RGMB: variants seen among roughly 807,000 people sequenced by gnomAD.
The protein encoded by RGMB is repulsive guidance molecule B.
A neutral mutation model predicts 26.9 loss-of-function variants in RGMB; 16 were observed. That is an observed-to-expected ratio of 0.60 (90% CI 0.40 to 0.90). The LOEUF is 0.90. Ranked by LOEUF, RGMB falls within the 40% of genes least tolerant of loss-of-function variation. RGMB has a pLI of 0.00. For missense variants in RGMB, 512 were observed against 573.3 expected (o/e 0.89, Z 1.09); for synonymous variants, 225 against 229.3 (o/e 0.98, Z 0.17).
At chr5:98,788,186 G>A (rs1252709345) in intron 2 of RGMB, among the ~76,000 whole-genome samples, 1 of 152,172 alleles carries the variant, frequency 6.6e-6, no homozygotes, top group South Asian at 2.1e-4. Flanking sequence ...CCTAAAAGGA[G>A]TCCACAGTAT....
intron 2 of RGMB, among the ~76,000 whole-genome samples, chr5:98,785,036 G>A (rs1212887706): frequency 1.3e-5 from 2 of 152,106 alleles, no homozygotes; most frequent in Non-Finnish European, 2.9e-5. Context: ...GCATCTCTTT[G>A]AGATTTGCTC....
chr5:98,774,243 G>C, intron 1 of RGMB, 37 bp downstream of exon 1: 3 of 1,364,072 alleles, frequency 2.2e-6, no homozygotes, highest in Non-Finnish European at 2.8e-6. Flanking sequence ...CAGCCCCGGG[G>C]CCTAGGGCTT....
chr5:98,780,556 T>C (rs904980469), intron 2 of RGMB: 3 of 154,752 alleles, frequency 1.9e-5, no homozygotes, highest in African/African-American at 7.2e-5. Context: ...TAAAACATAA[T>C]GGCAATAAGC....
At chr5:98,785,087 T>A (rs966175952) in intron 2 of RGMB, among the ~76,000 whole-genome samples, 5 of 152,210 alleles carry the variant, frequency 3.3e-5, no homozygotes, top group African/African-American at 1.2e-4. Flanking sequence ...TGCTAAGAAG[T>A]TCTGACTGGT....
upstream of RGMB, chr5:98,770,730 C>A: frequency 8.9e-7 from 1 of 1,121,644 alleles, no homozygotes; most frequent in South Asian, 2.2e-5. Flanking sequence ...CCAAGTTGTA[C>A]TTTCCTTATT....
chr5:98,793,450 G>A lies in RGMB; in HGVS notation c.1011G>A (p.Leu337=), dbSNP rs1293381787. 1 of 1,612,514 alleles carries A rather than the reference G, an allele frequency of 6.2e-7. No homozygotes were observed. Among genetic ancestry groups the A allele is most frequent in the Non-Finnish European group, 8.5e-7 (1 of 1,179,332 alleles). Residue 337 remains leucine, a synonymous_variant, in exon 3 of 3, where the codon CTG becomes CTA. Coordinates refer to ENST00000513185, the MANE Select transcript of RGMB (RefSeq NM_001366508.1). ...TGTCTGCCATCCTGGGACACAGCCTGCCTCGCACCTCCTTGGTGCAGGCCT... is the reference window on the plus strand; with the variant it reads ...TGTCTGCCATCCTGGGACACAGCCTACCTCGCACCTCCTTGGTGCAGGCCT... ...GQVSAILGHS[L]PRTSLVQAWP...
Position 98,793,112 on chromosome 5 carries a change from G to C in RGMB, c.673G>C (p.Glu225Gln). The C allele has an allele frequency of 6.2e-7, 1 of 1,612,618 alleles. No individual in the cohort carries two copies. The highest frequency in any genetic ancestry group is 8.5e-7 in the Non-Finnish European group (1 of 1,178,964). The change falls in exon 3 of 3, where the codon GAG becomes CAG. Residue 225 changes from glutamate to glutamine, a missense_variant. Physicochemically the swap from Glu to Gln is conservative, Grantham distance 29. Transcript: ENST00000513185. ...CACTATTATCTTCAAAGCCCACCAT[G>C]AGTGTACAGATCAGAAAGTCTACCA... ...KITIIFKAHH[E>Q]CTDQKVYQAV...
At chr5:98,782,853 C>A (rs1344447806) in intron 2 of RGMB, among the ~76,000 whole-genome samples, 1 of 152,214 alleles carries the variant, frequency 6.6e-6, no homozygotes, top group South Asian at 2.1e-4. Context: ...AGGTACCCCC[C>A]TTTTCCTTAT....
At chr5:98,775,245 A>G (rs962486631) in intron 1 of RGMB, among the ~76,000 whole-genome samples, 17 of 152,174 alleles carry the variant, frequency 1.1e-4, no homozygotes, top group Non-Finnish European at 7.3e-5. Context: ...CCGCCATGCT[A>G]AAAATCAGGG....
At chr5:98,785,207 T>G (rs1214826307) in intron 2 of RGMB, among the ~76,000 whole-genome samples, 1 of 152,200 alleles carries the variant, frequency 6.6e-6, no homozygotes, top group Non-Finnish European at 1.5e-5. Context: ...AATTTGGTGC[T>G]GCATTTGAAA....
chr5:98,796,344 C>CCG lies in RGMB; in HGVS notation c.*2592_*2593insGC, dbSNP rs1561451745. ...TTGTTATGCTTGGAAGCTCCCCCCC[C>CCG]CCCAACAGTGTGTCGAGTCTTTGCA... On this transcript the variant is annotated 3_prime_UTR_variant, in exon 3 of 3. Transcript: ENST00000513185. 7.0e-6 allele frequency: 1 copy of CCG among 142,184 alleles called. No individual in the cohort carries two copies. The highest frequency in any genetic ancestry group is 2.3e-4 in the South Asian group (1 of 4,336). 8.8% of individuals were successfully genotyped at this position (142,184 alleles called of 1,614,324 possible).
intron 2 of RGMB, chr5:98,792,804 A>T: frequency 4.5e-6 from 1 of 221,844 alleles, no homozygotes; most frequent in Non-Finnish European, 8.7e-6. Flanking sequence ...CGATATTCTG[A>T]TAGCAACACT....
upstream of RGMB, chr5:98,770,640 A>G (rs1302109577): frequency 1.3e-5 from 19 of 1,432,794 alleles, no homozygotes; most frequent in South Asian, 3.2e-5. Flanking sequence ...GATCCCGCTG[A>G]GCCCCCTCCA....
upstream of RGMB, chr5:98,769,574 G>A (rs1470272506): frequency 2.0e-5 from 3 of 152,606 alleles, no homozygotes; most frequent in South Asian, 2.1e-4. Context: ...GTGGCTTGCG[G>A]CTTATTTTCC....
At chr5:98,770,547 C>T (rs182107864), upstream of RGMB, 1 of 950,236 alleles carries the variant, frequency 1.1e-6, no homozygotes. Flanking sequence ...CTCTCTCCCT[C>T]CGCGAGTGCA....
intron 2 of RGMB, among the ~76,000 whole-genome samples, chr5:98,790,839 T>C (rs543057814): frequency 1.3e-5 from 2 of 152,370 alleles, no homozygotes; most frequent in South Asian, 4.1e-4. Context: ...AATCTTTGAG[T>C]AGATGTTACA....
chr5:98,789,716 G>A (rs1426419752), intron 2 of RGMB, among the ~76,000 whole-genome samples: 1 of 152,180 alleles, frequency 6.6e-6, no homozygotes, highest in Non-Finnish European at 1.5e-5. Context: ...GCTGGGTGGA[G>A]GAGGTTTAAC....
At chr5:98,770,277 T>C, upstream of RGMB, 1 of 221,294 alleles carries the variant, frequency 4.5e-6, no homozygotes, top group Non-Finnish European at 8.8e-6. Context: ...CTAAATACAT[T>C]AGCGAGCTGG....
intron 1 of RGMB, among the ~76,000 whole-genome samples, chr5:98,774,468 G>C (rs867584985): frequency 3.3e-5 from 5 of 152,162 alleles, no homozygotes; most frequent in Admixed American, 3.3e-4. Flanking sequence ...TCTCCCCTCC[G>C]ACAGCCGCTT....
Sources: allele counts gnomAD v4.1 joint callset (sites outside exome capture counted in the v4.1 genomes callset), GRCh38; gene constraint gnomAD v4.1.1; transcripts MANE v1.5; gene names NCBI Gene and HGNC (gene_info 2026-07-23, HGNC 2026-07-21).